The following SPATA16 variants were observed in gnomAD, a reference collection of about 807,000 sequenced individuals.
SPATA16 encodes the protein spermatogenesis associated 16, also known as spermatogenesis-associated protein 16.
In SPATA16, 36 loss-of-function variants were observed where a neutral mutation model predicts 63.3. The ratio of observed to expected loss-of-function variants is 0.57; its 90% CI spans 0.44 to 0.75. The LOEUF (loss-of-function observed/expected upper bound fraction) is 0.75. SPATA16 is among the 30% of genes least tolerant of loss of function. SPATA16 has a pLI of 0.00. For missense variants in SPATA16, 646 were observed against 679.3 expected, an observed-to-expected ratio of 0.95 and a Z score of 0.54; for synonymous variants, 203 against 216.7, an observed-to-expected ratio of 0.94 and a Z score of 0.56.
rs748332002 is a variant in SPATA16 at position 172,925,380 on chromosome 3, T to C, written c.1194A>G (p.Glu398=). 6.2e-7 allele frequency: 1 copy of C among 1,614,044 alleles called. No homozygotes were observed. The highest frequency in any genetic ancestry group is 1.1e-5 in the South Asian group (1 of 91,076). The change falls in exon 7 of 11, where the codon GAA becomes GAG. Residue 398 remains glutamate, a synonymous_variant. Transcript: ENST00000351008. ...TCGGCAGCTTCCTGCTTGATATTTT[T>C]TCCAAAAATTTTCCATCATCTTTGT... The part of the protein sequence containing the change: ...FKNKDDGKFL[E]KISSRKLPIF...
intron 4 of SPATA16, among the ~76,000 whole-genome samples, chr3:172,979,347 A>G (rs1286990091): frequency 2.0e-5 from 3 of 152,246 alleles, no homozygotes; most frequent in Admixed American, 6.5e-5. Context: ...CATAACATGC[A>G]CTAATATTAC....
chr3:172,953,624 A>G (rs1399460697), intron 6 of SPATA16, among the ~76,000 whole-genome samples: 1 of 152,220 alleles, frequency 6.6e-6, no homozygotes, highest in Non-Finnish European at 1.5e-5. Context: ...TGAATCCATC[A>G]GGTCCTGCTC....
rs192445475 is a variant in SPATA16, at chr3:173,015,599, A to G, written c.848+3887T>C. Among the ~76,000 whole-genome samples, 101 of 152,328 alleles carry G rather than the reference A, an allele frequency of 6.6e-4. 1 individual carries two copies. The highest frequency in any genetic ancestry group is 1.4e-3 in the African/African-American group (58 of 41,582). On this transcript the variant is annotated intron_variant, in intron 4 of 10. Transcript: ENST00000351008. The stretch of plus-strand genomic sequence containing the variant: ...CAATCAGGGTTCTAAAAAGAATTTT[A>G]TGTAATATCTTATTGATATAGCTGA...
chr3:172,893,574 T>A (rs1731938176), intron 10 of SPATA16, among the ~76,000 whole-genome samples: 1 of 152,224 alleles, frequency 6.6e-6, no homozygotes. Context: ...AGCCCTAGCA[T>A]CTGAATATAA....
chr3:173,077,357 T>G (rs1374751159), intron 2 of SPATA16, among the ~76,000 whole-genome samples: 1 of 152,156 alleles, frequency 6.6e-6, no homozygotes, highest in Non-Finnish European at 1.5e-5. Flanking sequence ...ATTTAAATAC[T>G]TTAGGAGAAA....
At chr3:172,909,058 C>G (rs1489549061) in intron 10 of SPATA16, among the ~76,000 whole-genome samples, 1 of 152,150 alleles carries the variant, frequency 6.6e-6, no homozygotes, top group Admixed American at 6.5e-5. Flanking sequence ...TGATCATTAT[C>G]AGGACTTTTA....
chr3:173,112,242 C>T (rs1202760015), intron 2 of SPATA16, among the ~76,000 whole-genome samples: 2 of 152,168 alleles, frequency 1.3e-5, no homozygotes, highest in Non-Finnish European at 2.9e-5. Flanking sequence ...CAATGTTGGA[C>T]ATACAACATT....
At chr3:172,997,916 G>A (rs536970368) in intron 4 of SPATA16, among the ~76,000 whole-genome samples, 3 of 152,116 alleles carry the variant, frequency 2.0e-5, no homozygotes, top group Non-Finnish European at 2.9e-5. Context: ...CTATATTTAT[G>A]TGGATCTATA....
At chr3:172,945,018 T>C (rs762322679) in intron 6 of SPATA16, among the ~76,000 whole-genome samples, 1 of 152,164 alleles carries the variant, frequency 6.6e-6, no homozygotes. Flanking sequence ...AAAAAAGGAA[T>C]AATAAACAAA....
At chr3:172,933,512 G>A (rs1732915406) in intron 6 of SPATA16, among the ~76,000 whole-genome samples, 1 of 152,198 alleles carries the variant, frequency 6.6e-6, no homozygotes, top group East Asian at 1.9e-4. Flanking sequence ...GATCTGTAAT[G>A]GCATTTGAGA....
At chr3:173,001,090 C>T (rs977409013) in intron 4 of SPATA16, among the ~76,000 whole-genome samples, 1 of 152,072 alleles carries the variant, frequency 6.6e-6, no homozygotes, top group Non-Finnish European at 1.5e-5. Flanking sequence ...TTTTAGTGTG[C>T]CTTGCACGTT....
chr3:172,999,694 G>A (rs892648507), intron 4 of SPATA16, among the ~76,000 whole-genome samples: 5 of 152,164 alleles, frequency 3.3e-5, no homozygotes, highest in African/African-American at 2.4e-5. Context: ...GATTACAGGC[G>A]TGAGCCACTG....
At chr3:173,028,649 T>G (rs1577139233) in intron 3 of SPATA16, among the ~76,000 whole-genome samples, 1 of 152,144 alleles carries the variant, frequency 6.6e-6, no homozygotes, top group Non-Finnish European at 1.5e-5. Flanking sequence ...TTGAGTTTGA[T>G]CATATGGAAA....
chr3:172,900,478 T>C (rs12639379), intron 10 of SPATA16, among the ~76,000 whole-genome samples: 14,280 of 152,190 alleles, frequency 0.094, 743 homozygotes, highest in African/African-American at 0.13. Context: ...TTTCAGCCAC[T>C]ATTTCTTTGA....
chr3:173,121,066 G>T (rs942208839), intron 1 of SPATA16, among the ~76,000 whole-genome samples: 1 of 152,072 alleles, frequency 6.6e-6, no homozygotes, highest in Non-Finnish European at 1.5e-5. Flanking sequence ...ACTAATTCAG[G>T]TTCCCTCCCA....
At position 172,916,479 on chromosome 3, in the gene SPATA16, C is replaced by A; in HGVS notation, c.1341G>T (p.Gly447=). ...TCACACCTGAGGATGCAGGAAAACT[C>A]CCCTAGTCTCAAAGTAAAAGAAATG... ...LDFIRSTQLN[G]SFPASSGVME... is the part of the protein sequence containing the mutation. Residue 447 remains glycine, a splice_region_variant and synonymous_variant, in exon 9 of 11, where the codon GGG becomes GGT. Transcript: ENST00000351008. 1.2e-6 allele frequency: 2 copies of A among 1,613,524 alleles called. No individual in the cohort carries two copies. Among genetic ancestry groups the A allele is most frequent in the South Asian group, 1.1e-5 (1 of 91,068 alleles).
chr3:172,990,728 T>C (rs954875708), intron 4 of SPATA16, among the ~76,000 whole-genome samples: 6 of 152,196 alleles, frequency 3.9e-5, no homozygotes, highest in African/African-American at 1.4e-4. Context: ...TGTTATGCTC[T>C]TGCCAATTGT....
intron 6 of SPATA16, among the ~76,000 whole-genome samples, chr3:172,934,912 A>G (rs1048092470): frequency 3.3e-5 from 5 of 152,156 alleles, no homozygotes; most frequent in African/African-American, 1.2e-4. Context: ...AATCTGTTTT[A>G]TTCCTGTTAA....
At chr3:173,023,172 T>C (rs1003568793) in intron 3 of SPATA16, among the ~76,000 whole-genome samples, 4 of 150,860 alleles carry the variant, frequency 2.7e-5, no homozygotes, top group African/African-American at 4.9e-5. Context: ...TGTGTGTGTG[T>C]GCTTATTTTA....
Sources: gnomAD v4.1 joint callset for allele counts (sites outside exome capture counted in the v4.1 genomes callset) on GRCh38, gnomAD v4.1.1 for gene constraint, MANE v1.5 for transcripts, NCBI Gene and HGNC (gene_info 2026-07-23, HGNC 2026-07-21) for gene names.